Variants in FUT9 observed in about 807,000 individuals in gnomAD.
FUT9 encodes 4-galactosyl-N-acetylglucosaminide 3-alpha-L-fucosyltransferase 9.
Under a neutral mutation model 29.7 loss-of-function variants are expected in FUT9, and 15 were observed. The ratio of observed to expected loss-of-function variants is 0.51; its 90% CI spans 0.34 to 0.78. The LOEUF (loss-of-function observed/expected upper bound fraction) is 0.78. FUT9 is among the 30% of genes least tolerant of loss of function. The pLI, the probability that FUT9 is intolerant of heterozygous loss-of-function variation, is 0.01. For synonymous variants in FUT9, 169 were observed against 153.7 expected (o/e 1.10, Z -0.74); for missense variants, 319 against 425.4 (o/e 0.75, Z 2.20).
chr6:96,160,703 T>G (rs1772881759), intron 2 of FUT9, among the ~76,000 whole-genome samples: 1 of 152,162 alleles, frequency 6.6e-6, no homozygotes, highest in Non-Finnish European at 1.5e-5. Context: ...TAACTAGCTC[T>G]TATCTATGGA....
intron 1 of FUT9, among the ~76,000 whole-genome samples, chr6:96,043,253 G>T (rs558788466): frequency 8.6e-5 from 13 of 151,928 alleles, no homozygotes; most frequent in Non-Finnish European, 1.3e-4. Flanking sequence ...GGGTTTCACC[G>T]TGTTAGCCAG....
chr6:96,138,995 T>C (rs1243957261), intron 2 of FUT9, among the ~76,000 whole-genome samples: 2 of 152,088 alleles, frequency 1.3e-5, no homozygotes, highest in African/African-American at 2.4e-5. Flanking sequence ...CTCAATTTAA[T>C]CTCCATGTTT....
chr6:96,167,361 G>T (rs1582280385), intron 2 of FUT9, among the ~76,000 whole-genome samples: 1 of 152,308 alleles, frequency 6.6e-6, no homozygotes, highest in African/African-American at 2.4e-5. Flanking sequence ...GAGCAAAGAT[G>T]CAAAGAAGGA....
chr6:96,078,451 C>T lies in FUT9; in HGVS notation c.-97-35588C>T, dbSNP rs555505416. 2.1e-4 allele frequency among the ~76,000 whole-genome samples: 20 copies of T among 95,092 alleles called. No individual in the cohort carries two copies. The South Asian group carries it at 4.9e-3, about 23-fold the overall frequency. The allele number at this position is 95,092 out of a possible 152,430, so 62.4% of individuals were successfully genotyped here. ...TTTTTTTTTTTTTGAGACGGAGCCT[C>T]GCTCTGTCCCACAGGCTGGAGTGCA... On this transcript the variant is annotated intron_variant, in intron 1 of 2. Coordinates refer to ENST00000302103, the MANE Select transcript of FUT9 (RefSeq NM_006581.4).
chr6:96,024,869 A>G (rs1036324417), intron 1 of FUT9, among the ~76,000 whole-genome samples: 4 of 151,836 alleles, frequency 2.6e-5, no homozygotes, highest in African/African-American at 7.2e-5. Context: ...GGTTTTCCAC[A>G]GGAGTTTTTC....
At chr6:96,073,448 CAAAAA>C (rs58982988) in intron 1 of FUT9, among the ~76,000 whole-genome samples, 1 of 61,400 alleles carries the variant, frequency 1.6e-5, no homozygotes. Context: ...GACTCCGTCT[CAAAAA>C]AAAAAAAAAA....
chr6:96,101,853 G>A (rs1771591896), intron 1 of FUT9, among the ~76,000 whole-genome samples: 1 of 149,840 alleles, frequency 6.7e-6, no homozygotes, highest in East Asian at 2.0e-4. Context: ...ACAAGGTCTT[G>A]CTATGCTGCA....
At chr6:96,105,161 A>G (rs1771654989) in intron 1 of FUT9, among the ~76,000 whole-genome samples, 3 of 152,222 alleles carry the variant, frequency 2.0e-5, no homozygotes, top group Admixed American at 6.5e-5. Context: ...CTGTTTTAAA[A>G]CAAAATGCAT....
intron 1 of FUT9, among the ~76,000 whole-genome samples, chr6:96,094,399 A>G (rs2127954754): frequency 6.6e-6 from 1 of 152,274 alleles, no homozygotes; most frequent in South Asian, 2.1e-4. Flanking sequence ...GGCTATTTGG[A>G]TATGGCAAAG....
chr6:96,207,090 G>A lies in FUT9; in HGVS notation c.*2855G>A, dbSNP rs1489013767. ...ACCCTTTAGCTGTGGGTCCATTGAT[G>A]TGTGAGTTTTAGAGCTGGAAGGAAT... On this transcript the variant is annotated 3_prime_UTR_variant, in exon 3 of 3. Coordinates refer to ENST00000302103, the MANE Select transcript of FUT9 (RefSeq NM_006581.4). The A allele has an allele frequency of 6.0e-6, 1 of 166,944 alleles. No individual in the cohort carries two copies. Among genetic ancestry groups the A allele is most frequent in the East Asian group, 1.9e-4 (1 of 5,190 alleles). 10.3% of individuals were successfully genotyped at this position (166,944 alleles called of 1,614,324 possible).
rs4632899 is a variant in FUT9, at chr6:96,208,891, T to G, written c.*4656T>G. Reference sequence around the variant, plus strand: ...ATTCCATTGTATTGCAATCAGTCAATTAAGGTGATTTTTTTTTTCTGGATG... The same window carrying G: ...ATTCCATTGTATTGCAATCAGTCAAGTAAGGTGATTTTTTTTTTCTGGATG... On this transcript the variant is annotated 3_prime_UTR_variant, in exon 3 of 3. Coordinates refer to ENST00000302103, the MANE Select transcript of FUT9 (RefSeq NM_006581.4). 0.92 allele frequency: 153,260 copies of G among 166,550 alleles called. 71,923 individuals carry two copies. Among genetic ancestry groups the G allele is most frequent in the Non-Finnish European group, 1 (67,796 of 67,924 alleles). The allele number at this position is 166,550 out of a possible 1,614,324, so 10.3% of individuals were successfully genotyped here.
At chr6:96,050,581 A>G (rs1770647989) in intron 1 of FUT9, among the ~76,000 whole-genome samples, 1 of 152,244 alleles carries the variant, frequency 6.6e-6, no homozygotes, top group African/African-American at 2.4e-5. Context: ...TTGCTTTAAA[A>G]GTATTTAAAT....
rs1425941568 is a variant in FUT9, at chr6:96,192,230, G to T, written c.-8-10918G>T. On this transcript the variant is annotated intron_variant, in intron 2 of 2. Coordinates refer to ENST00000302103, the MANE Select transcript of FUT9 (RefSeq NM_006581.4). ...CAATCAGGCAGGAGAAAGAAATAAA[G>T]GGTATTCAATTAGGAAAAGAGGAAG... Among the ~76,000 whole-genome samples the T allele has an allele frequency of 4.6e-5, 7 of 152,216 alleles. No homozygotes were observed. In the South Asian group the frequency reaches 1.5e-3, roughly 32 times the overall value.
intron 2 of FUT9, among the ~76,000 whole-genome samples, chr6:96,169,799 A>C (rs1361859363): frequency 1.3e-5 from 2 of 152,094 alleles, no homozygotes; most frequent in Non-Finnish European, 2.9e-5. Context: ...TCATTTGGCG[A>C]AATTTAAAGA....
At chr6:96,139,467 G>T (rs541494354) in intron 2 of FUT9, among the ~76,000 whole-genome samples, 1 of 152,154 alleles carries the variant, frequency 6.6e-6, no homozygotes, top group African/African-American at 2.4e-5. Flanking sequence ...TCTGGAGGAC[G>T]GTGGCCTCCT....
At chr6:96,056,408 A>T (rs1295344817) in intron 1 of FUT9, among the ~76,000 whole-genome samples, 2 of 152,228 alleles carry the variant, frequency 1.3e-5, no homozygotes, top group Non-Finnish European at 2.9e-5. Context: ...ACAAACAGGC[A>T]TATCTGCTTT....
At chr6:96,185,738 A>G (rs967096321) in intron 2 of FUT9, among the ~76,000 whole-genome samples, 3 of 152,068 alleles carry the variant, frequency 2.0e-5, no homozygotes, top group African/African-American at 7.2e-5. Flanking sequence ...GTTCTCTTTG[A>G]TGTATTCTCT....
intron 2 of FUT9, among the ~76,000 whole-genome samples, chr6:96,123,447 C>T (rs1027482439): frequency 8.5e-5 from 13 of 152,234 alleles, no homozygotes; most frequent in Admixed American, 5.2e-4. Context: ...TGGTTGACTT[C>T]CAGAGGCGTA....
At chr6:96,155,678 A>G (rs1423220187) in intron 2 of FUT9, among the ~76,000 whole-genome samples, 2 of 151,834 alleles carry the variant, frequency 1.3e-5, no homozygotes, top group Non-Finnish European at 2.9e-5. Flanking sequence ...GTTTAAAAAA[A>G]AAAAAAGGAA....
Sources: allele counts gnomAD v4.1 joint callset (sites outside exome capture counted in the v4.1 genomes callset), GRCh38; gene constraint gnomAD v4.1.1; transcripts MANE v1.5; gene names NCBI Gene and HGNC (gene_info 2026-07-23, HGNC 2026-07-21).